RNF216: variants seen among roughly 807,000 people sequenced by gnomAD.
RNF216 encodes ring finger protein 216.
Under a neutral mutation model 110.8 loss-of-function variants are expected in RNF216, and 72 were observed. The ratio of observed to expected loss-of-function variants is 0.65; its 90% confidence interval spans 0.54 to 0.79. The LOEUF is 0.79. Ranked by LOEUF, RNF216 falls within the 30% of genes least tolerant of loss-of-function variation. RNF216 has a pLI of 0.00. For missense variants in RNF216, 1,342 were observed against 1,141.2 expected, an observed-to-expected ratio of 1.18 and a Z score of -2.54; for synonymous variants, 495 against 407.5, an observed-to-expected ratio of 1.21 and a Z score of -2.59.
At chr7:5,645,147 T>C (rs1341952879) in intron 14 of RNF216, among the ~76,000 whole-genome samples, 1 of 152,180 alleles carries the variant, frequency 6.6e-6, no homozygotes, top group Admixed American at 6.5e-5. Flanking sequence ...GCTGTTCTCT[T>C]ACTGCTTTCA....
At chr7:5,684,437 G>A (rs913739506) in intron 13 of RNF216, among the ~76,000 whole-genome samples, 1 of 152,114 alleles carries the variant, frequency 6.6e-6, no homozygotes, top group African/African-American at 2.4e-5. Flanking sequence ...CCGAGCCTCT[G>A]CATTAAAACA....
At chr7:5,708,675 A>C (rs1792459016) in intron 13 of RNF216, among the ~76,000 whole-genome samples, 2 of 152,114 alleles carry the variant, frequency 1.3e-5, no homozygotes, top group African/African-American at 4.8e-5. Context: ...GGAGCTTGCA[A>C]GCTCTTGCTT....
At chr7:5,679,496 C>T (rs1411751548) in intron 13 of RNF216, among the ~76,000 whole-genome samples, 1 of 152,232 alleles carries the variant, frequency 6.6e-6, no homozygotes, top group African/African-American at 2.4e-5. Flanking sequence ...TGGGGGAATG[C>T]GGTGAAGCCT....
rs1791639282 is a variant in RNF216, at chr7:5,696,513, C to CCA, written c.2061+15246_2061+15247dup. Reference sequence around the variant, plus strand: ...TGCCCAATGATCTACTCCAGGGCACCCACACACACCACAGGAAGGAGGAGC... The same window carrying CCA: ...TGCCCAATGATCTACTCCAGGGCACCCACACACACACCACAGGAAGGAGGAGC... On this transcript the variant is annotated intron_variant, in intron 13 of 16. Transcript: ENST00000389902. This position sits in a 1 kb window ranked among gnomAD's most constrained non-coding sequence, Gnocchi z 5.4. Among the ~76,000 whole-genome samples, 1 of 152,108 alleles carries CCA rather than the reference C, an allele frequency of 6.6e-6. No homozygotes were observed.
At chr7:5,738,837 G>A (rs150661307) in intron 5 of RNF216, among the ~76,000 whole-genome samples, 658 of 151,954 alleles carry the variant, frequency 4.3e-3, no homozygotes, top group South Asian at 8.7e-3. Context: ...TAGTATCAAC[G>A]CTTAGAAACA....
chr7:5,727,158 T>C (rs1793810309), intron 7 of RNF216, among the ~76,000 whole-genome samples: 1 of 152,244 alleles, frequency 6.6e-6, no homozygotes, highest in Non-Finnish European at 1.5e-5. Flanking sequence ...CTGAAACTCC[T>C]GCTGAAACTT....
intron 14 of RNF216, among the ~76,000 whole-genome samples, chr7:5,645,502 C>A (rs1189640096): frequency 6.6e-6 from 1 of 152,164 alleles, no homozygotes; most frequent in Non-Finnish European, 1.5e-5. Context: ...GATTCTTCTG[C>A]CTGCTCAAAT....
At chr7:5,776,893 T>A (rs1584630937) in intron 1 of RNF216, among the ~76,000 whole-genome samples, 4 of 85,504 alleles carry the variant, frequency 4.7e-5, no homozygotes, top group African/African-American at 1.8e-4. Context: ...AGAGGGAGAC[T>A]CTGTCCAAAA....
intron 13 of RNF216, among the ~76,000 whole-genome samples, chr7:5,677,167 A>G (rs1790351137): frequency 6.6e-6 from 1 of 152,226 alleles, no homozygotes; most frequent in Non-Finnish European, 1.5e-5. Flanking sequence ...CATTAATTCT[A>G]ATTTGTCCAG....
chr7:5,737,564 T>G (rs1325479660), intron 5 of RNF216, among the ~76,000 whole-genome samples: 3 of 151,566 alleles, frequency 2.0e-5, no homozygotes, highest in Non-Finnish European at 4.4e-5. Flanking sequence ...TAAATATAAA[T>G]CTGATGACAG....
intron 3 of RNF216, among the ~76,000 whole-genome samples, chr7:5,743,260 C>CAAAT (rs1011769038): frequency 1.3e-5 from 2 of 151,412 alleles, no homozygotes; most frequent in African/African-American, 4.9e-5. Flanking sequence ...GACTCTGTCT[C>CAAAT]AAATAAATAA....
Position 5,731,915 on chromosome 7 carries a change from A to G in RNF216, c.1122-1098T>C, listed in dbSNP as rs17135721. Among the ~76,000 whole-genome samples the G allele has an allele frequency of 4.3e-3, 658 of 152,144 alleles. 36 individuals are homozygous for G. Among genetic ancestry groups the G allele is most frequent in the African/African-American group, 0.015 (619 of 41,448 alleles). On this transcript the variant is annotated intron_variant, in intron 5 of 16. Coordinates refer to ENST00000389902, the MANE Select transcript of RNF216 (RefSeq NM_207111.4). ...TTTGGGGACCGGTTTGGAGAGGTTCATTGATTCTGCAGCCCCCGCCGGGGA... is the reference window on the plus strand; with the variant it reads ...TTTGGGGACCGGTTTGGAGAGGTTCGTTGATTCTGCAGCCCCCGCCGGGGA...
At position 5,740,973 on chromosome 7, in the gene RNF216, C is replaced by T. The variant is rs754494362; in HGVS notation, c.1044G>A (p.Thr348=). The part of the protein sequence containing the change: ...QELVELLVKE[T]EARFPDVANG... Reference sequence around the variant, plus strand: ...ATTTACTTGATAAAATAAAACTTACCGTTTCTTTCACTAGTAGTTCAACGA... The same window carrying T: ...ATTTACTTGATAAAATAAAACTTACTGTTTCTTTCACTAGTAGTTCAACGA... Residue 348 remains threonine, a splice_region_variant and synonymous_variant, in exon 4 of 17, where the codon ACG becomes ACA. Coordinates refer to ENST00000389902, the MANE Select transcript of RNF216 (RefSeq NM_207111.4). 5.0e-6 allele frequency: 8 copies of T among 1,586,036 alleles called. No homozygotes were observed. The highest frequency in any genetic ancestry group is 2.2e-5 in the East Asian group (1 of 44,724).
chr7:5,755,846 T>C (rs774533742), intron 2 of RNF216, among the ~76,000 whole-genome samples: 5 of 152,150 alleles, frequency 3.3e-5, no homozygotes, highest in Non-Finnish European at 7.4e-5. Flanking sequence ...TATGCTCCAT[T>C]TTGGCAGATA....
intron 13 of RNF216, among the ~76,000 whole-genome samples, chr7:5,675,831 T>G (rs1790251528): frequency 6.6e-6 from 1 of 151,146 alleles, no homozygotes; most frequent in Non-Finnish European, 1.5e-5. Context: ...TGCCTCAGCC[T>G]CCTGAGTAGC....
intron 2 of RNF216, among the ~76,000 whole-genome samples, chr7:5,755,032 TAAA>T (rs751586216): frequency 1.7e-5 from 1 of 60,540 alleles, no homozygotes. Flanking sequence ...TATCTCAGGC[TAAA>T]AAAAAAAAAG....
At chr7:5,666,909 G>C (rs1789567695) in intron 13 of RNF216, among the ~76,000 whole-genome samples, 1 of 151,308 alleles carries the variant, frequency 6.6e-6, no homozygotes, top group South Asian at 2.1e-4. Context: ...CTCAAGCCTG[G>C]GCTCAAGTGA....
At position 5,741,080 on chromosome 7, in the gene RNF216, G is replaced by A; in HGVS notation, c.937C>T (p.Pro313Ser). The A allele has an allele frequency of 2.5e-6, 4 of 1,614,110 alleles. No homozygotes were observed. The highest frequency in any genetic ancestry group is 3.4e-6 in the Non-Finnish European group (4 of 1,180,042). The change falls in exon 4 of 17, where the codon CCA becomes TCA. Residue 313 changes from proline (P) to serine (S), a missense_variant. Coordinates refer to ENST00000389902, the MANE Select transcript of RNF216 (RefSeq NM_207111.4). ...TGAGATTCTTGCATTGGAAAGGCTG[G>A]ACCTGGCTCTTCATCATCACTTGCT... is the stretch of plus-strand genomic sequence containing the variant. ...QLASDDEEPG[P>S]AFPMQESQEP...
intron 3 of RNF216, among the ~76,000 whole-genome samples, chr7:5,746,355 C>T (rs972156319): frequency 2.0e-5 from 3 of 152,140 alleles, no homozygotes; most frequent in African/African-American, 7.2e-5. Flanking sequence ...TCCCTCTTTG[C>T]AGAGGTCTTT....
Sources: gnomAD v4.1 joint callset for allele counts (sites outside exome capture counted in the v4.1 genomes callset) on GRCh38, gnomAD v4.1.1 for gene constraint, Gnocchi (gnomAD v3.1) non-coding constraint, MANE v1.5 for transcripts, NCBI Gene and HGNC (gene_info 2026-07-23, HGNC 2026-07-21) for gene names.